Variants in HTT observed in about 807,000 individuals in gnomAD.
HTT encodes huntingtin.
In HTT, 104 loss-of-function variants were observed where a neutral mutation model predicts 362.3. The ratio of observed to expected loss-of-function variants is 0.29; its 90% CI spans 0.24 to 0.34. The LOEUF (loss-of-function observed/expected upper bound fraction) is 0.34, where lower values mean the gene tolerates loss of function less well. Ranked by LOEUF, HTT falls within the 10% of genes least tolerant of loss-of-function variation. HTT has a pLI of 1.00. For synonymous variants in HTT, 1,577 were observed against 1,548.7 expected (o/e 1.02, Z -0.43); for missense variants, 3,301 against 3,928.6 (o/e 0.84, Z 4.27).
At chr4:3,136,547 A>G (rs1326942644) in intron 21 of HTT, among the ~76,000 whole-genome samples, 1 of 152,170 alleles carries the variant, frequency 6.6e-6, no homozygotes, top group Non-Finnish European at 1.5e-5. Flanking sequence ...TGTAAAAAGT[A>G]ATGCACTTTC....
rs761257792 is a variant in HTT, at chr4:3,132,719, A to G, written c.2394A>G (p.Thr798=). The G allele has an allele frequency of 6.2e-7, 1 of 1,614,186 alleles. No homozygotes were observed. Among genetic ancestry groups the G allele is most frequent in the South Asian group, 1.1e-5 (1 of 91,088 alleles). ...GDWMGTIRTL[T]GNTFSLADCI... is the part of the protein sequence containing the mutation. ...GGATGGGCACCATTAGAACCCTCACAGGTAACGGCCAGTTTTTCAGCTGTG... is the reference window on the plus strand; with the variant it reads ...GGATGGGCACCATTAGAACCCTCACGGGTAACGGCCAGTTTTTCAGCTGTG... The change falls in exon 17 of 67, where the codon ACA becomes ACG. Residue 798 remains threonine (T), a splice_region_variant and synonymous_variant. Transcript: ENST00000355072.
intron 2 of HTT, among the ~76,000 whole-genome samples, chr4:3,088,213 G>A (rs1352081950): frequency 7.2e-6 from 1 of 138,818 alleles, no homozygotes; most frequent in Non-Finnish European, 1.5e-5. Flanking sequence ...TTGAGACGGA[G>A]TCACGATCTG....
rs1376368247 is a variant in HTT, at chr4:3,206,418, T to A, written c.5719-78T>A. On this transcript the variant is annotated intron_variant, in intron 42 of 66. Coordinates refer to ENST00000355072, the MANE Select transcript of HTT (RefSeq NM_001388492.1). This position sits in a 1 kb window ranked among gnomAD's most constrained non-coding sequence, Gnocchi z 4.6. ...GATGTGTTTTCTCCTTCTTACCCTT[T>A]CTGGCCTTTCTATGGCATTAATACC... 9.1e-7 allele frequency: 1 copy of A among 1,096,320 alleles called. No homozygotes were observed. The highest frequency in any genetic ancestry group is 1.4e-6 in the Non-Finnish European group (1 of 722,386). The allele number at this position is 1,096,320 out of a possible 1,614,324, so 67.9% of individuals were successfully genotyped here. A position where few individuals can be genotyped will look rare whatever the true frequency, so the allele number is the denominator to read the frequency against.
At chr4:3,182,975 G>C (rs1171776275) in intron 37 of HTT, among the ~76,000 whole-genome samples, 1 of 152,276 alleles carries the variant, frequency 6.6e-6, no homozygotes, top group African/African-American at 2.4e-5. Context: ...CTGCCTCCCA[G>C]GTTCAACCAA....
chr4:3,176,025 G>GTTTTTTTTTTTTTTTTTTTTTTTTTT (rs777646822), intron 33 of HTT, among the ~76,000 whole-genome samples: 5 of 139,130 alleles, frequency 3.6e-5, no homozygotes, highest in Non-Finnish European at 4.5e-5. Context: ...GTTGTTGTTT[G>GTTTTTTTTTTTTTTTTTTTTTTTTTT]TTTTTTTTTG....
intron 1 of HTT, among the ~76,000 whole-genome samples, chr4:3,080,438 C>G (rs4499655): frequency 0.024 from 3,659 of 152,202 alleles, 122 homozygotes; most frequent in African/African-American, 0.079. Flanking sequence ...AACCCTTGTT[C>G]TCATTTTTTC....
chr4:3,229,381 G>A (rs948493842), intron 59 of HTT, among the ~76,000 whole-genome samples: 7 of 123,250 alleles, frequency 5.7e-5, no homozygotes, highest in Admixed American at 8.5e-5. Flanking sequence ...CACATGCCAC[G>A]TGCACACACC....
intron 1 of HTT, among the ~76,000 whole-genome samples, chr4:3,078,981 G>A (rs556019437): frequency 7.2e-5 from 11 of 151,962 alleles, no homozygotes; most frequent in Non-Finnish European, 1.3e-4. Context: ...GTCATCCGCC[G>A]ACCTTGTGAT....
intron 47 of HTT, 141 bp from the exon 48 acceptor site, chr4:3,211,788 A>G: frequency 3.2e-6 from 2 of 623,676 alleles, no homozygotes; most frequent in Non-Finnish European, 5.6e-6. Flanking sequence ...GAATTTTCTT[A>G]AAAATATTTT....
chr4:3,127,839 C>T (rs1715596839), intron 12 of HTT, among the ~76,000 whole-genome samples: 1 of 151,864 alleles, frequency 6.6e-6, no homozygotes, highest in Non-Finnish European at 1.5e-5. Context: ...TGGCACATGT[C>T]TGTAGTCCCA....
intron 23 of HTT, 27 bp downstream of exon 23, chr4:3,142,913 C>T (rs1040837332): frequency 1.0e-5 from 16 of 1,604,132 alleles, no homozygotes; most frequent in Middle Eastern, 3.3e-4. Flanking sequence ...ATCGGTCTTA[C>T]TGACATTGTA....
chr4:3,221,969 G>A (rs1004885088), intron 53 of HTT, among the ~76,000 whole-genome samples: 1 of 152,270 alleles, frequency 6.6e-6, no homozygotes, highest in Admixed American at 6.5e-5. Flanking sequence ...TATCCACAGA[G>A]TTGTGCAGCC....
intron 31 of HTT, among the ~76,000 whole-genome samples, chr4:3,173,618 A>G (rs1718093656): frequency 6.6e-6 from 1 of 151,726 alleles, no homozygotes; most frequent in African/African-American, 2.4e-5. Context: ...TCTTGGATAT[A>G]TTACCTTGTG....
At chr4:3,204,537 A>T (rs752632202) in intron 42 of HTT, among the ~76,000 whole-genome samples, 2 of 152,346 alleles carry the variant, frequency 1.3e-5, no homozygotes, top group East Asian at 1.9e-4. Flanking sequence ...AAATTTTTTT[A>T]AAAATTAATA....
rs1326612386 is a variant in HTT, at chr4:3,115,248, A to C, written c.748-56A>C. On this transcript the variant is annotated intron_variant, in intron 6 of 66. Coordinates refer to ENST00000355072, the MANE Select transcript of HTT (RefSeq NM_001388492.1). Reference sequence around the variant, plus strand: ...ATTCACGTTAAGTTTTATGTAATACATGATAAGCTTCATAGGAGCTTCATC... The same window carrying C: ...ATTCACGTTAAGTTTTATGTAATACCTGATAAGCTTCATAGGAGCTTCATC... The C allele has an allele frequency of 5.8e-6, 9 of 1,546,206 alleles. No individual in the cohort carries two copies. The East Asian group carries it at 2.0e-4, about 35-fold the overall frequency.
At chr4:3,232,176 A>C (rs1056372580) in intron 60 of HTT, among the ~76,000 whole-genome samples, 6 of 152,130 alleles carry the variant, frequency 3.9e-5, no homozygotes, top group Non-Finnish European at 8.8e-5. Flanking sequence ...GCACAGGGTG[A>C]GGTGGGGGCC....
At chr4:3,107,606 T>C (rs1714500358) in intron 6 of HTT, among the ~76,000 whole-genome samples, 183 bp downstream of exon 6, 1 of 152,198 alleles carries the variant, frequency 6.6e-6, no homozygotes, top group Non-Finnish European at 1.5e-5. Context: ...CCACTTCTCA[T>C]TTCTTACTGT....
chr4:3,136,301 C>T lies in HTT; in HGVS notation c.2773C>T (p.His925Tyr). ...LLGDEDPRVR[H>Y]VAAASLIRLV... ...TGGAGATGAAGACCCCAGGGTGCGA[C>T]ATGTTGCCGCAGCATCACTAATTAG... Residue 925 changes from histidine to tyrosine, a missense_variant, in exon 21 of 67, where the codon CAT becomes TAT. Physicochemically the swap from His to Tyr is moderately conservative, Grantham distance 83. Coordinates refer to ENST00000355072, the MANE Select transcript of HTT (RefSeq NM_001388492.1). 6.2e-7 allele frequency: 1 copy of T among 1,601,370 alleles called. No homozygotes were observed. The highest frequency in any genetic ancestry group is 8.6e-7 in the Non-Finnish European group (1 of 1,168,900).
In HTT at chr4:3,241,982, C is replaced by G. The variant is rs898959075; in HGVS notation, c.*1923C>G. ...TGGTTGGGGGCTCCTGTTTCTCATC[C>G]TAGCTTTTTCCTGGAAAGCCCGCTA... On this transcript the variant is annotated 3_prime_UTR_variant, in exon 67 of 67. Transcript: ENST00000355072. The G allele has an allele frequency of 5.3e-5, 8 of 152,150 alleles. No individual in the cohort carries two copies. The highest frequency in any genetic ancestry group is 7.3e-5 in the Non-Finnish European group (5 of 68,030). 9.4% of individuals were successfully genotyped at this position (152,150 alleles called of 1,614,324 possible).
Sources: gnomAD v4.1 joint callset for allele counts (sites outside exome capture counted in the v4.1 genomes callset) on GRCh38, gnomAD v4.1.1 for gene constraint, Gnocchi (gnomAD v3.1) non-coding constraint, MANE v1.5 for transcripts, NCBI Gene and HGNC (gene_info 2026-07-23, HGNC 2026-07-21) for gene names.